PCNX3: variants seen among roughly 807,000 people sequenced by gnomAD.
The protein encoded by PCNX3 is pecanex 3.
PCNX3 carries 58 observed loss-of-function variants against 207.2 expected under a neutral mutation model. The observed-to-expected ratio is 0.28, with a 90% CI of 0.23 to 0.35. The LOEUF is 0.35. PCNX3 is among the 10% of genes least tolerant of loss of function. The pLI is 1.00. For synonymous variants in PCNX3, 1,337 were observed against 1,183.5 expected (o/e 1.13, Z -2.66); for missense variants, 2,410 against 2,774.4 (o/e 0.87, Z 2.95).
rs2135407573 is a variant in PCNX3, at chr11:65,618,869, G to A, written c.1507G>A (p.Val503Met). The A allele has an allele frequency of 6.2e-7, 1 of 1,610,992 alleles. No individual in the cohort carries two copies. Among genetic ancestry groups the A allele is most frequent in the Admixed American group, 1.7e-5 (1 of 59,760 alleles). The change falls in exon 6 of 35, where the codon GTG (valine) becomes ATG (methionine). Residue 503 changes from valine to methionine, a missense_variant. Val to Met is a conservative substitution (Grantham distance 21). Around this residue, in one of 8 missense-constraint regions of PCNX3, gnomAD observed 1,104 missense variants for 970.3 expected, o/e 1.14. Coordinates refer to ENST00000355703, the MANE Select transcript of PCNX3 (RefSeq NM_032223.4). ...STASAKTHAR[V>M]LSMDGAGGDV... Reference sequence around the variant, plus strand: ...CGCCAGCGCTAAAACACATGCCCGTGTGCTGAGCATGGATGGGGCTGGGGG... The same window carrying A: ...CGCCAGCGCTAAAACACATGCCCGTATGCTGAGCATGGATGGGGCTGGGGG...
chr11:65,629,623 T>C lies in PCNX3; in HGVS notation c.4104T>C (p.Tyr1368=). The change falls in exon 26 of 35, where the codon TAT becomes TAC. Residue 1368 remains tyrosine, a synonymous_variant. Coordinates refer to ENST00000355703, the MANE Select transcript of PCNX3 (RefSeq NM_032223.4). ...TGGTGCTGGGCCGCTGGGGCAACTATGGCCCTGGTGACTGCTTCGTCCTGG... is the reference window on the plus strand; with the variant it reads ...TGGTGCTGGGCCGCTGGGGCAACTACGGCCCTGGTGACTGCTTCGTCCTGG... ...GDLVLGRWGN[Y]GPGDCFVLAS... 1 of 1,609,368 alleles carries C rather than the reference T, an allele frequency of 6.2e-7. No individual in the cohort carries two copies. Among genetic ancestry groups the C allele is most frequent in the Non-Finnish European group, 8.5e-7 (1 of 1,177,918 alleles).
intron 1 of PCNX3, 83 bp from the exon 2 acceptor site, chr11:65,616,741 A>G: frequency 6.9e-7 from 1 of 1,457,944 alleles, no homozygotes; most frequent in East Asian, 2.3e-5. Context: ...GAGTCTGTGA[A>G]TCCCAGCTAT....
In PCNX3 at chr11:65,635,962, C is replaced by T. The variant is rs1488697748; in HGVS notation, c.5459+159C>T. On this transcript the variant is annotated intron_variant, in intron 32 of 34. Coordinates refer to ENST00000355703, the MANE Select transcript of PCNX3 (RefSeq NM_032223.4). This position sits in a 1 kb window ranked among gnomAD's most constrained non-coding sequence, Gnocchi z 9.9. ...CCTGCCCCTCCTAGATGTCACCTTA[C>T]CCCCAGAGCTGACAGTGGCCTTTAG... Among the ~76,000 whole-genome samples the T allele has an allele frequency of 6.6e-6, 1 of 152,116 alleles. No homozygotes were observed. The highest frequency in any genetic ancestry group is 1.5e-5 in the Non-Finnish European group (1 of 68,014).
Position 65,627,011 on chromosome 11 carries a change from C to A in PCNX3, c.3487C>A (p.His1163Asn), listed in dbSNP as rs201650909. 1 of 1,539,826 alleles carries A rather than the reference C, an allele frequency of 6.5e-7. No individual in the cohort carries two copies. Among genetic ancestry groups the A allele is most frequent in the Admixed American group, 2.1e-5 (1 of 48,184 alleles). Reference sequence around the variant, plus strand: ...GCTCAACGCCCTCACGGTGGACGCCCACACAGTCGTCAGCCACCCGGACAA... The same window carrying A: ...GCTCAACGCCCTCACGGTGGACGCCAACACAGTCGTCAGCCACCCGGACAA... Reference protein sequence around the residue: ...VVLNALTVDAHTVVSHPDKYC... With the variant: ...VVLNALTVDANTVVSHPDKYC... Residue 1163 changes from histidine to asparagine, a missense_variant, in exon 21 of 35, where the codon CAC becomes AAC. His to Asn is a moderately conservative substitution (Grantham distance 68). Transcript: ENST00000355703.
intron 24 of PCNX3, 118 bp from the exon 25 acceptor site, chr11:65,629,239 C>A: frequency 9.0e-7 from 1 of 1,110,340 alleles, no homozygotes; most frequent in Non-Finnish European, 1.3e-6. Flanking sequence ...TCCTCATCTG[C>A]CTGCATAACG....
chr11:65,624,357 G>A lies in PCNX3; in HGVS notation c.2707G>A (p.Val903Met), dbSNP rs1855269006. The change falls in exon 14 of 35, where the codon GTG (valine) becomes ATG (methionine). Residue 903 changes from valine (V) to methionine (M), a missense_variant. Around this residue, in one of 8 missense-constraint regions of PCNX3, gnomAD observed 177 missense variants for 257.5 expected, o/e 0.69. Coordinates refer to ENST00000355703, the MANE Select transcript of PCNX3 (RefSeq NM_032223.4). ...SASFFFCARD[V>M]ATVFTLCFPF... The stretch of plus-strand genomic sequence containing the variant: ...CTCCTTCTTCTTCTGTGCCCGAGAC[G>A]TGGCCACTGGTGAGGCTGGGGCAGG... 2.6e-6 allele frequency: 4 copies of A among 1,554,042 alleles called. No homozygotes were observed. The highest frequency in any genetic ancestry group is 1.7e-6 in the Non-Finnish European group (2 of 1,148,390).
At position 65,636,596 on chromosome 11, in the gene PCNX3, T is replaced by C. The variant is rs1855854469; in HGVS notation, c.5799T>C (p.Ser1933=). The C allele has an allele frequency of 1.3e-6, 2 of 1,590,146 alleles. No individual in the cohort carries two copies. The highest frequency in any genetic ancestry group is 1.7e-6 in the Non-Finnish European group (2 of 1,170,382). ...GPGLLSSEGP[S]GKWSLGGRKG... ...GTCTCCTCAGTTCTGAGGGCCCCAG[T>C]GGAAAGTGGAGCCTGGGGGGCCGGA... The change falls in exon 34 of 35, where the codon AGT becomes AGC. Residue 1933 remains serine (S), a synonymous_variant. Coordinates refer to ENST00000355703, the MANE Select transcript of PCNX3 (RefSeq NM_032223.4).
Position 65,636,385 on chromosome 11 carries a change from C to T in PCNX3, c.5594-6C>T. 6.4e-7 allele frequency: 1 copy of T among 1,571,724 alleles called. No individual in the cohort carries two copies. Among genetic ancestry groups the T allele is most frequent in the Non-Finnish European group, 8.6e-7 (1 of 1,158,550 alleles). On this transcript the variant is annotated splice_polypyrimidine_tract_variant and splice_region_variant and intron_variant, in intron 33 of 34. Transcript: ENST00000355703. The stretch of plus-strand genomic sequence containing the variant: ...AGGCCTCTGCTGTCTTATCTGTCTC[C>T]TACAGGCAATGGTGACCAACCCCTC...
At position 65,625,488 on chromosome 11, in the gene PCNX3, C is replaced by T. The variant is rs1255546243; in HGVS notation, c.3113C>T (p.Pro1038Leu). ...TARAEPPDPL[P>L]DKMRQSVREV... is the part of the protein sequence containing the mutation. ...CGGGCCGAGCCCCCGGACCCCTTGC[C>T]GGACAAGATGCGCCAGTCGGTGGTG... The change falls in exon 18 of 35, where the codon CCG (proline) becomes CTG (leucine). Residue 1038 changes from proline to leucine, a missense_variant. Physicochemically the swap from Pro to Leu is moderately conservative, Grantham distance 98. Transcript: ENST00000355703. This position sits in a 1 kb window ranked among gnomAD's most constrained non-coding sequence, Gnocchi z 5.6. The T allele has an allele frequency of 1.7e-5, 28 of 1,603,260 alleles. No individual in the cohort carries two copies. The highest frequency in any genetic ancestry group is 2.3e-5 in the Non-Finnish European group (27 of 1,178,180).
intron 9 of PCNX3, 54 bp from the exon 10 acceptor site, chr11:65,620,777 A>G (rs913351758): frequency 1.9e-6 from 3 of 1,568,470 alleles, no homozygotes; most frequent in Admixed American, 1.8e-5. Context: ...CCTCGACCCC[A>G]CCCAGCCCCA....
intron 9 of PCNX3, 81 bp downstream of exon 9, chr11:65,620,510 T>C (rs1445872526): frequency 1.4e-6 from 2 of 1,474,552 alleles, no homozygotes; most frequent in African/African-American, 1.4e-5. Context: ...TGGAGTTTGC[T>C]CTCTTCCTGC....
chr11:65,630,229 C>T, intron 26 of PCNX3, 122 bp from the exon 27 acceptor site: 2 of 1,371,810 alleles, frequency 1.5e-6, no homozygotes, highest in Non-Finnish European at 2.0e-6. Flanking sequence ...ATAAGGTTGA[C>T]TCCCCTGGCG....
intron 27 of PCNX3, among the ~76,000 whole-genome samples, chr11:65,632,270 G>A (rs960117172): frequency 5.9e-5 from 9 of 151,950 alleles, no homozygotes; most frequent in African/African-American, 1.9e-4. Flanking sequence ...GTGGACTGAG[G>A]GTGAAGCTTG....
Position 65,627,022 on chromosome 11 carries a change from C to A in PCNX3, c.3498C>A (p.Val1166=). Residue 1166 remains valine (V), a synonymous_variant, in exon 21 of 35, where the codon GTC becomes GTA. Transcript: ENST00000355703. ...TCACGGTGGACGCCCACACAGTCGTCAGCCACCCGGACAAGTACTGCTTCT... is the reference window on the plus strand; with the variant it reads ...TCACGGTGGACGCCCACACAGTCGTAAGCCACCCGGACAAGTACTGCTTCT... The part of the protein sequence containing the change: ...NALTVDAHTV[V]SHPDKYCFYC... 6.5e-7 allele frequency: 1 copy of A among 1,532,114 alleles called. No individual in the cohort carries two copies. The allele number at this position is 1,532,114 out of a possible 1,614,324, so 94.9% of individuals were successfully genotyped here.
intron 27 of PCNX3, among the ~76,000 whole-genome samples, chr11:65,633,230 G>A (rs564608027): frequency 7.9e-5 from 12 of 152,272 alleles, no homozygotes; most frequent in Admixed American, 3.3e-4. Context: ...GCCTTAACCC[G>A]CCCGTGCATC....
chr11:65,637,140 G>GACCTTGACCCCTGATCTCTC lies in PCNX3; in HGVS notation c.*163_*182dup, dbSNP rs1855882815. ...CCAAAACTGAGTGACCCAGACCTCTGACCTTGACCCCTGATCTCTCTCATC... is the reference window on the plus strand; with the variant it reads ...CCAAAACTGAGTGACCCAGACCTCTGACCTTGACCCCTGATCTCTCACCTTGACCCCTGATCTCTCTCATC... On this transcript the variant is annotated 3_prime_UTR_variant, in exon 35 of 35. Transcript: ENST00000355703. The GACCTTGACCCCTGATCTCTC allele has an allele frequency of 1.3e-6, 1 of 748,272 alleles. No homozygotes were observed. The allele number at this position is 748,272 out of a possible 1,614,324, so 46.4% of individuals were successfully genotyped here.
Position 65,617,710 on chromosome 11 carries a change from C to T in PCNX3, c.577+4C>T, listed in dbSNP as rs755610887. On this transcript the variant is annotated splice_donor_region_variant and intron_variant, in intron 5 of 34. Transcript: ENST00000355703. ...CTCAGCTCGCAGGAGAAACTGAGTGCGTGGGCCTTATGGGGCCGAGGCTTG... is the reference window on the plus strand; with the variant it reads ...CTCAGCTCGCAGGAGAAACTGAGTGTGTGGGCCTTATGGGGCCGAGGCTTG... The T allele has an allele frequency of 7.1e-6, 11 of 1,558,638 alleles. No homozygotes were observed. Among genetic ancestry groups the T allele is most frequent in the African/African-American group, 2.7e-5 (2 of 73,426 alleles).
At position 65,636,679 on chromosome 11, in the gene PCNX3, C is replaced by T. The variant is rs1305228445; in HGVS notation, c.5882C>T (p.Pro1961Leu). ...TCAGGGAGCCCCAAAGGAGGTACCC[C>T]CAAATCTCAGGTAAGGCACCTGTGG... ...PASGSPKGGT[P>L]KSQAPLDLSL... Residue 1961 changes from proline to leucine, a missense_variant, in exon 34 of 35, where the codon CCC becomes CTC. Pro to Leu is a moderately conservative substitution (Grantham distance 98). Coordinates refer to ENST00000355703, the MANE Select transcript of PCNX3 (RefSeq NM_032223.4). 10 of 1,582,504 alleles carry T rather than the reference C, an allele frequency of 6.3e-6. No individual in the cohort carries two copies. Among genetic ancestry groups the T allele is most frequent in the Non-Finnish European group, 7.7e-6 (9 of 1,166,562 alleles).
In PCNX3 at chr11:65,634,561, C is replaced by G. The variant is rs748089746; in HGVS notation, c.4725C>G (p.Ser1575=). The G allele has an allele frequency of 1.2e-6, 2 of 1,601,766 alleles. No individual in the cohort carries two copies. Among genetic ancestry groups the G allele is most frequent in the Non-Finnish European group, 8.5e-7 (1 of 1,177,068 alleles). ...RSQPVDQDWN[S]PLVTLCFGLC... ...AGCCCGTGGACCAGGATTGGAACTCCCCGCTGGTCACGCTGTGTTTTGGCC... is the reference window on the plus strand; with the variant it reads ...AGCCCGTGGACCAGGATTGGAACTCGCCGCTGGTCACGCTGTGTTTTGGCC... The change falls in exon 29 of 35, where the codon TCC becomes TCG. Residue 1575 remains serine, a synonymous_variant. Coordinates refer to ENST00000355703, the MANE Select transcript of PCNX3 (RefSeq NM_032223.4).
Sources: allele counts gnomAD v4.1 joint callset (sites outside exome capture counted in the v4.1 genomes callset), GRCh38; gene constraint gnomAD v4.1.1; regional missense constraint gnomAD v4.1.1; non-coding constraint Gnocchi (gnomAD v3.1); transcripts MANE v1.5; gene names NCBI Gene and HGNC (gene_info 2026-07-23, HGNC 2026-07-21).